The following PRKCB variants were observed in gnomAD, a reference collection of about 807,000 sequenced individuals.
PRKCB encodes the protein protein kinase C beta.
A neutral mutation model predicts 81.5 loss-of-function variants in PRKCB; 13 were observed. The ratio of observed to expected loss-of-function variants is 0.16; its 90% CI spans 0.10 to 0.25. The LOEUF (loss-of-function observed/expected upper bound fraction) is 0.25. PRKCB is among the 10% of genes least tolerant of loss of function. The pLI is 1.00. For synonymous variants in PRKCB, 335 were observed against 321.4 expected (o/e 1.04, Z -0.45); for missense variants, 509 against 875.7 (o/e 0.58, Z 5.29).
chr16:24,124,743 A>G (rs1240222160), intron 9 of PRKCB, among the ~76,000 whole-genome samples: 3 of 152,316 alleles, frequency 2.0e-5, no homozygotes, highest in East Asian at 3.9e-4. Context: ...ATCTCATACC[A>G]TGAACTCAGG....
chr16:23,958,666 A>G (rs1285778573), intron 2 of PRKCB, among the ~76,000 whole-genome samples: 1 of 151,206 alleles, frequency 6.6e-6, no homozygotes, highest in African/African-American at 2.4e-5. Context: ...TATGTTAGCT[A>G]TTATTGGCTA....
chr16:24,091,620 C>CTT (rs67333744), intron 5 of PRKCB, among the ~76,000 whole-genome samples: 1 of 149,398 alleles, frequency 6.7e-6, no homozygotes, highest in Admixed American at 6.7e-5. Context: ...GTAAGTTCAT[C>CTT]TTTTTTTTTT....
At chr16:24,206,550 C>T (rs1968048891) in intron 16 of PRKCB, among the ~76,000 whole-genome samples, 1 of 152,182 alleles carries the variant, frequency 6.6e-6, no homozygotes, top group Admixed American at 6.5e-5. Flanking sequence ...CACCATCTTA[C>T]CTTGTCCATG....
intron 2 of PRKCB, among the ~76,000 whole-genome samples, chr16:23,963,556 T>C (rs750823763): frequency 6.6e-6 from 1 of 152,210 alleles, no homozygotes; most frequent in Non-Finnish European, 1.5e-5. Flanking sequence ...TTGCTGCACA[T>C]TCTTCCCCTC....
At chr16:23,981,172 G>C (rs1037818724) in intron 2 of PRKCB, among the ~76,000 whole-genome samples, 1 of 152,156 alleles carries the variant, frequency 6.6e-6, no homozygotes, top group Non-Finnish European at 1.5e-5. Context: ...CGAGGTGTCA[G>C]CAGGGCTGCC....
chr16:24,196,520 A>G (rs1164361763), intron 16 of PRKCB, among the ~76,000 whole-genome samples: 2 of 152,188 alleles, frequency 1.3e-5, no homozygotes, highest in African/African-American at 4.8e-5. Flanking sequence ...GGGTAGAGAG[A>G]TCTGCAGCTT....
chr16:24,151,986 GT>G, intron 9 of PRKCB: 1 of 434,178 alleles, frequency 2.3e-6, no homozygotes, highest in Admixed American at 2.5e-5. Context: ...CACTGAAGGT[GT>G]CTAGGGCCCC....
chr16:24,026,693 C>T (rs541007088), intron 3 of PRKCB, among the ~76,000 whole-genome samples: 2 of 152,198 alleles, frequency 1.3e-5, no homozygotes, highest in African/African-American at 2.4e-5. Context: ...AGAGTAGAGA[C>T]AGAATGTGTC....
intron 3 of PRKCB, among the ~76,000 whole-genome samples, chr16:24,014,394 A>C (rs1295932967): frequency 6.6e-6 from 1 of 152,100 alleles, no homozygotes; most frequent in Non-Finnish European, 1.5e-5. Flanking sequence ...TGAGCAATGA[A>C]TGCACAACCC....
At chr16:23,980,840 G>A (rs1052377265) in intron 2 of PRKCB, among the ~76,000 whole-genome samples, 2 of 150,482 alleles carry the variant, frequency 1.3e-5, no homozygotes, top group African/African-American at 5.0e-5. Context: ...TCTTTGGAAT[G>A]CAATGAGTAA....
intron 2 of PRKCB, among the ~76,000 whole-genome samples, chr16:23,978,136 C>T (rs1315953672): frequency 6.6e-6 from 1 of 152,152 alleles, no homozygotes; most frequent in East Asian, 1.9e-4. Context: ...AGCTTATAAA[C>T]TGGCAGCACT....
At chr16:23,865,859 C>T (rs2141094601) in intron 2 of PRKCB, among the ~76,000 whole-genome samples, 1 of 151,952 alleles carries the variant, frequency 6.6e-6, no homozygotes, top group African/African-American at 2.4e-5. Context: ...AAGAGGGAGG[C>T]CTCTCTCTGG....
intron 3 of PRKCB, among the ~76,000 whole-genome samples, chr16:24,015,584 C>T (rs996838713): frequency 6.6e-6 from 1 of 152,208 alleles, no homozygotes; most frequent in Admixed American, 6.5e-5. Context: ...GGCAGAGCCC[C>T]AGCTAGGTGG....
chr16:23,864,076 A>T (rs888335773), intron 2 of PRKCB, among the ~76,000 whole-genome samples: 3 of 152,210 alleles, frequency 2.0e-5, no homozygotes, highest in African/African-American at 7.2e-5. Flanking sequence ...GGCGACTAAC[A>T]TGAAGGTTCT....
intron 5 of PRKCB, among the ~76,000 whole-genome samples, chr16:24,046,358 G>T (rs1468156905): frequency 6.6e-6 from 1 of 152,240 alleles, no homozygotes; most frequent in Non-Finnish European, 1.5e-5. Context: ...TACAGGCAAG[G>T]CCCCTGTGCT....
intron 3 of PRKCB, among the ~76,000 whole-genome samples, chr16:23,990,151 T>C (rs1385342929): frequency 6.6e-6 from 1 of 152,020 alleles, no homozygotes; most frequent in Non-Finnish European, 1.5e-5. Flanking sequence ...CCAAGCTGGA[T>C]AGATGGGAGA....
intron 3 of PRKCB, among the ~76,000 whole-genome samples, chr16:24,003,665 G>T (rs567960760): frequency 6.6e-6 from 1 of 152,128 alleles, no homozygotes; most frequent in Admixed American, 6.5e-5. Context: ...GATTACAGGC[G>T]TGAGCGACTG....
At chr16:23,935,853 C>T (rs561285163) in intron 2 of PRKCB, among the ~76,000 whole-genome samples, 3 of 152,116 alleles carry the variant, frequency 2.0e-5, no homozygotes, top group African/African-American at 4.8e-5. Context: ...AAATATGAAA[C>T]TAGACACTGG....
At chr16:24,048,882 G>A (rs1012343030) in intron 5 of PRKCB, among the ~76,000 whole-genome samples, 9 of 152,056 alleles carry the variant, frequency 5.9e-5, no homozygotes, top group African/African-American at 1.9e-4. Flanking sequence ...GCTATTACCC[G>A]TAGTCCTTCT....
Sources: allele counts gnomAD v4.1 joint callset (sites outside exome capture counted in the v4.1 genomes callset), GRCh38; gene constraint gnomAD v4.1.1; transcripts MANE v1.5; gene names NCBI Gene and HGNC (gene_info 2026-07-23, HGNC 2026-07-21).